The following GLIS3 variants were observed in gnomAD, a reference collection of about 807,000 sequenced individuals.
The protein encoded by GLIS3 is GLIS family zinc finger 3.
A neutral mutation model predicts 78.6 loss-of-function variants in GLIS3; 53 were observed. The observed-to-expected ratio is 0.67, with a 90% CI of 0.54 to 0.85. The LOEUF is 0.85. Among genes scored for constraint, GLIS3 ranks in the 40% least tolerant of loss-of-function variants. GLIS3 has a pLI of 0.00. For synonymous variants in GLIS3, 684 were observed against 509.9 expected, an observed-to-expected ratio of 1.34 and a Z score of -4.60; for missense variants, 1,703 against 1,231.1, an observed-to-expected ratio of 1.38 and a Z score of -5.74.
chr9:4,046,410 T>C (rs1228844090), intron 4 of GLIS3, among the ~76,000 whole-genome samples: 1 of 152,128 alleles, frequency 6.6e-6, no homozygotes, highest in Non-Finnish European at 1.5e-5. Context: ...GTGGGTTAGA[T>C]CTAGCAGGAT....
chr9:3,951,882 A>ACG lies in GLIS3; in HGVS notation c.1711-14694_1711-14693insCG, dbSNP rs1554654469. The stretch of plus-strand genomic sequence containing the variant: ...CACACACACACACACACACACACAC[A>ACG]CACGCACGCACACACCCACTGGCCT... On this transcript the variant is annotated intron_variant, in intron 4 of 10. Coordinates refer to ENST00000381971, the MANE Select transcript of GLIS3 (RefSeq NM_001042413.2). Among the ~76,000 whole-genome samples, 1,362 of 147,408 alleles carry ACG rather than the reference A, an allele frequency of 9.2e-3. 14 individuals carry two copies. The highest frequency in any genetic ancestry group is 0.015 in the Admixed American group (224 of 14,838).
At chr9:4,104,519 T>C (rs1460833763) in intron 4 of GLIS3, among the ~76,000 whole-genome samples, 5 of 152,296 alleles carry the variant, frequency 3.3e-5, no homozygotes, top group East Asian at 3.9e-4. Flanking sequence ...CTTCAATCTA[T>C]TCTCCACATA....
chr9:4,447,372 G>A, the GLIS3 span, among the ~76,000 whole-genome samples: 1 of 152,042 alleles, frequency 6.6e-6, no homozygotes, highest in Non-Finnish European at 1.5e-5. Context: ...ACCATGCCTG[G>A]CCTTAAATTT....
intron 9 of GLIS3, among the ~76,000 whole-genome samples, chr9:3,853,002 A>T (rs1819530588): frequency 6.6e-6 from 1 of 152,194 alleles, no homozygotes; most frequent in Non-Finnish European, 1.5e-5. Flanking sequence ...TGAGCCCAAG[A>T]GTTCAAGACC....
chr9:4,484,014 T>G, the GLIS3 span, among the ~76,000 whole-genome samples: 1 of 152,190 alleles, frequency 6.6e-6, no homozygotes, highest in Non-Finnish European at 1.5e-5. Context: ...GGTATATAAG[T>G]GCTTTGTGTT....
chr9:4,260,605 C>T (rs1466095730), intron 2 of GLIS3, among the ~76,000 whole-genome samples: 1 of 150,580 alleles, frequency 6.6e-6, no homozygotes, highest in African/African-American at 2.4e-5. Flanking sequence ...AATTAGCTGG[C>T]CATGGTGGTG....
intron 2 of GLIS3, among the ~76,000 whole-genome samples, chr9:4,317,588 A>G (rs1172671825): frequency 6.6e-6 from 1 of 152,264 alleles, no homozygotes; most frequent in Non-Finnish European, 1.5e-5. Flanking sequence ...CGTATTGCTT[A>G]CGATTATTCA....
At chr9:4,282,910 G>C (rs1827680449) in intron 2 of GLIS3, among the ~76,000 whole-genome samples, 1 of 152,024 alleles carries the variant, frequency 6.6e-6, no homozygotes, top group Admixed American at 6.5e-5. Flanking sequence ...TCTGGCTTCT[G>C]CTGATTCTTC....
rs533811205 is a variant in GLIS3 at position 4,009,667 on chromosome 9, G to C, written c.1711-72478C>G. ...AGAATGGCAGTTCCAGAAGAGCAAA[G>C]AGGAGAAACAAGAGGCAATAAGGTG... On this transcript the variant is annotated intron_variant, in intron 4 of 10. Transcript: ENST00000381971. Among the ~76,000 whole-genome samples, 20 of 152,314 alleles carry C rather than the reference G, an allele frequency of 1.3e-4. No individual in the cohort carries two copies. In the South Asian group the frequency reaches 3.9e-3, roughly 30 times the overall value.
chr9:4,319,498 T>C (rs962191277), intron 2 of GLIS3, among the ~76,000 whole-genome samples: 3 of 152,038 alleles, frequency 2.0e-5, no homozygotes, highest in Non-Finnish European at 4.4e-5. Flanking sequence ...TAAAATTTAT[T>C]GTGTAATGTG....
intron 4 of GLIS3, among the ~76,000 whole-genome samples, chr9:3,975,405 C>T (rs890845757): frequency 6.6e-6 from 1 of 152,180 alleles, no homozygotes; most frequent in African/African-American, 2.4e-5. Flanking sequence ...GTATTACTAA[C>T]ACCTTCAGAA....
chr9:3,937,703 A>G (rs550239879), intron 4 of GLIS3, among the ~76,000 whole-genome samples: 1 of 152,320 alleles, frequency 6.6e-6, no homozygotes, highest in East Asian at 1.9e-4. Flanking sequence ...ATGATCATAA[A>G]TTTCCTTAAC....
At chr9:4,350,814 T>G (rs1165145533), upstream of GLIS3, among the ~76,000 whole-genome samples, 3 of 151,370 alleles carry the variant, frequency 2.0e-5, no homozygotes, top group African/African-American at 7.3e-5. Context: ...GTTTTGTTTT[T>G]GTTTTTGTTT....
chr9:3,910,552 T>C (rs1468450484), intron 6 of GLIS3, among the ~76,000 whole-genome samples: 9 of 152,202 alleles, frequency 5.9e-5, no homozygotes, highest in Admixed American at 5.2e-4. Context: ...GGTCTCACCA[T>C]GTTGCTCAGG....
At chr9:4,308,063 C>G (rs1159552490) in intron 4 of GLIS3, among the ~76,000 whole-genome samples, 1 of 152,146 alleles carries the variant, frequency 6.6e-6, no homozygotes, top group South Asian at 2.1e-4. Flanking sequence ...GAACACTGTC[C>G]TTACAGTATT....
chr9:4,458,710 A>ATTGC, the GLIS3 span, among the ~76,000 whole-genome samples: 1 of 152,174 alleles, frequency 6.6e-6, no homozygotes, highest in Admixed American at 6.5e-5. Context: ...AGGCAGGAGA[A>ATTGC]TTGCTTGAAC....
chr9:3,882,865 A>G (rs924181998), intron 7 of GLIS3, among the ~76,000 whole-genome samples: 2 of 152,198 alleles, frequency 1.3e-5, no homozygotes, highest in African/African-American at 4.8e-5. Context: ...TTTACTTTCT[A>G]TAGTATAGGA....
At chr9:4,320,133 G>A (rs75952583) in intron 2 of GLIS3, among the ~76,000 whole-genome samples, 200 of 152,170 alleles carry the variant, frequency 1.3e-3, no homozygotes, top group African/African-American at 3.7e-3. Context: ...CCCAATGGGC[G>A]TATCTGAGTC....
At chr9:4,114,881 G>C (rs999791843) in intron 4 of GLIS3, among the ~76,000 whole-genome samples, 1 of 152,208 alleles carries the variant, frequency 6.6e-6, no homozygotes. Context: ...CTTCCAGTAA[G>C]TTAACCAAAT....
Sources: gnomAD v4.1 joint callset for allele counts (sites outside exome capture counted in the v4.1 genomes callset) on GRCh38, gnomAD v4.1.1 for gene constraint, MANE v1.5 for transcripts, NCBI Gene and HGNC (gene_info 2026-07-23, HGNC 2026-07-21) for gene names.